DEPDC5: variants seen among roughly 807,000 people sequenced by gnomAD.
DEPDC5 encodes the protein DEP domain containing 5, GATOR1 subcomplex subunit, also known as GATOR1 complex protein DEPDC5.
In DEPDC5, 73 loss-of-function variants were observed where a neutral mutation model predicts 217.3. The ratio of observed to expected loss-of-function variants is 0.34; its 90% CI spans 0.28 to 0.41. The LOEUF (loss-of-function observed/expected upper bound fraction) is 0.41. DEPDC5 is among the 10% of genes least tolerant of loss of function. The pLI is 1.00. For missense variants in DEPDC5, 1,675 were observed against 2,070.1 expected, an observed-to-expected ratio of 0.81 and a Z score of 3.70; for synonymous variants, 733 against 756.7, an observed-to-expected ratio of 0.97 and a Z score of 0.51.
In DEPDC5 at chr22:31,797,471, C is replaced by G. The variant is rs928205954; in HGVS notation, c.768-129C>G. On this transcript the variant is annotated intron_variant, in intron 12 of 42. Coordinates refer to ENST00000651528, the MANE Select transcript of DEPDC5 (RefSeq NM_001242896.3). ...GCATGGAGGAAACCACCCCCATGAT[C>G]CAGTCACCTCCCACCAGGTTCCTCC... is the stretch of plus-strand genomic sequence containing the variant. 5 of 686,966 alleles carry G rather than the reference C, an allele frequency of 7.3e-6. No homozygotes were observed. In the African/African-American group the frequency reaches 8.8e-5, roughly 12 times the overall value. 42.6% of individuals were successfully genotyped at this position (686,966 alleles called of 1,614,324 possible).
intron 20 of DEPDC5, among the ~76,000 whole-genome samples, chr22:31,813,577 C>A (rs117249791): frequency 6.6e-6 from 1 of 152,020 alleles, no homozygotes; most frequent in African/African-American, 2.4e-5. Context: ...CTTGCTTTTT[C>A]GTTCTGAGCT....
intron 31 of DEPDC5, among the ~76,000 whole-genome samples, chr22:31,851,054 G>A (rs1398147734): frequency 4.2e-5 from 6 of 142,642 alleles, no homozygotes; most frequent in Non-Finnish European, 9.2e-5. Flanking sequence ...GTTACAGAGC[G>A]AGACTCCGTC....
chr22:31,799,045 CTTTT>C (rs552961998), intron 14 of DEPDC5, among the ~76,000 whole-genome samples: 1 of 138,630 alleles, frequency 7.2e-6, no homozygotes. Flanking sequence ...AGCAAACTTA[CTTTT>C]TTTTTTTTTT....
At chr22:31,759,676 CTTT>C (rs35291104) in intron 3 of DEPDC5, among the ~76,000 whole-genome samples, 2 of 94,958 alleles carry the variant, frequency 2.1e-5, no homozygotes, top group African/African-American at 4.4e-5. Context: ...CGCGCCCAGC[CTTT>C]TTTTTTTTTT....
At chr22:31,903,890 C>G (rs961649190) in intron 41 of DEPDC5, among the ~76,000 whole-genome samples, 21 of 151,780 alleles carry the variant, frequency 1.4e-4, no homozygotes, top group Admixed American at 1.1e-3. Flanking sequence ...TATGCTTTTT[C>G]CTATTTGTGT....
intron 14 of DEPDC5, among the ~76,000 whole-genome samples, chr22:31,801,711 G>A (rs1273720996): frequency 6.6e-6 from 1 of 152,178 alleles, no homozygotes; most frequent in Non-Finnish European, 1.5e-5. Flanking sequence ...TGGTAGAGAG[G>A]GTCTGATCTG....
At chr22:31,859,792 C>T (rs2092447825) in intron 32 of DEPDC5, among the ~76,000 whole-genome samples, 1 of 152,184 alleles carries the variant, frequency 6.6e-6, no homozygotes, top group Non-Finnish European at 1.5e-5. Context: ...TAGGGAGTGG[C>T]ATTAGGTACC....
intron 31 of DEPDC5, among the ~76,000 whole-genome samples, chr22:31,855,583 T>C (rs112262260): frequency 0.05 from 7,551 of 151,828 alleles, 612 homozygotes; most frequent in African/African-American, 0.17. Flanking sequence ...TTTCACTGTG[T>C]TAGCCAGGAT....
At chr22:31,830,643 G>GTGTGTA (rs1453867520) in intron 24 of DEPDC5, among the ~76,000 whole-genome samples, 2 of 147,512 alleles carry the variant, frequency 1.4e-5, no homozygotes, top group Non-Finnish European at 3.0e-5. Flanking sequence ...GTGTGTGTGT[G>GTGTGTA]TGTGTGTGTG....
intron 7 of DEPDC5, among the ~76,000 whole-genome samples, chr22:31,772,048 C>G (rs866877883): frequency 6.6e-6 from 1 of 151,924 alleles, no homozygotes; most frequent in Admixed American, 6.6e-5. Context: ...GCCTGGGTGA[C>G]AGAGTCAGAC....
At chr22:31,869,308 A>G (rs2092773834) in intron 33 of DEPDC5, among the ~76,000 whole-genome samples, 1 of 151,900 alleles carries the variant, frequency 6.6e-6, no homozygotes, top group Non-Finnish European at 1.5e-5. Context: ...AAGCTCATAG[A>G]GGTCCAGAGT....
At chr22:31,865,725 G>A (rs1252059545) in intron 33 of DEPDC5, among the ~76,000 whole-genome samples, 1 of 152,196 alleles carries the variant, frequency 6.6e-6, no homozygotes, top group Non-Finnish European at 1.5e-5. Flanking sequence ...CTCACCGCTA[G>A]ATGGCAAGCT....
intron 12 of DEPDC5, among the ~76,000 whole-genome samples, chr22:31,795,734 CTTT>C (rs966638640): frequency 1.4e-5 from 2 of 141,362 alleles, no homozygotes; most frequent in Non-Finnish European, 1.6e-5. Flanking sequence ...CTTTCATTTC[CTTT>C]TTTTTTTTTT....
intron 26 of DEPDC5, 53 bp from the exon 27 acceptor site, chr22:31,838,632 G>C (rs2091197837): frequency 6.3e-7 from 1 of 1,596,930 alleles, no homozygotes; most frequent in African/African-American, 1.3e-5. Context: ...GCACTCTTAA[G>C]TGTCACTGTC....
chr22:31,845,748 C>CGTGTGT (rs369816632), intron 30 of DEPDC5, among the ~76,000 whole-genome samples: 3 of 149,368 alleles, frequency 2.0e-5, no homozygotes, highest in African/African-American at 4.9e-5. Flanking sequence ...GTATAATTGA[C>CGTGTGT]GTGTGTGTGT....
chr22:31,854,157 T>C (rs914836637), intron 31 of DEPDC5, among the ~76,000 whole-genome samples: 2 of 152,340 alleles, frequency 1.3e-5, no homozygotes, highest in East Asian at 3.9e-4. Flanking sequence ...ACATATGCAT[T>C]GTACCTGGTG....
chr22:31,899,373 C>G (rs2093609034), intron 40 of DEPDC5, among the ~76,000 whole-genome samples: 1 of 151,886 alleles, frequency 6.6e-6, no homozygotes, highest in South Asian at 2.1e-4. Flanking sequence ...AAGCCAAAGT[C>G]TTTTTTGCTT....
At chr22:31,904,160 C>G (rs2093715053) in intron 41 of DEPDC5, among the ~76,000 whole-genome samples, 1 of 149,504 alleles carries the variant, frequency 6.7e-6, no homozygotes, top group African/African-American at 2.6e-5. Context: ...AGGCTGTGAC[C>G]TACCGCTCCT....
chr22:31,828,470 A>C (rs1241533323), intron 24 of DEPDC5, among the ~76,000 whole-genome samples: 1 of 151,896 alleles, frequency 6.6e-6, no homozygotes. Flanking sequence ...AAAAAAAAAA[A>C]AAAACAGTTC....
Sources: gnomAD v4.1 joint callset for allele counts (sites outside exome capture counted in the v4.1 genomes callset) on GRCh38, gnomAD v4.1.1 for gene constraint, MANE v1.5 for transcripts, NCBI Gene and HGNC (gene_info 2026-07-23, HGNC 2026-07-21) for gene names.